DNAJC16: variants seen among roughly 807,000 people sequenced by gnomAD.
DNAJC16 encodes dnaJ homolog subfamily C member 16.
In DNAJC16, 76 loss-of-function variants were observed where a neutral mutation model predicts 92.7. The ratio of observed to expected loss-of-function variants is 0.82; its 90% CI spans 0.68 to 0.99. The LOEUF (loss-of-function observed/expected upper bound fraction) is 0.99, where lower values mean the gene tolerates loss of function less well. DNAJC16 is among the 50% of genes least tolerant of loss of function. DNAJC16 has a pLI of 0.00. For synonymous variants in DNAJC16, 328 were observed against 358.7 expected, an observed-to-expected ratio of 0.91 and a Z score of 0.97; for missense variants, 869 against 942.4, an observed-to-expected ratio of 0.92 and a Z score of 1.02.
At chr1:15,532,664 T>C (rs899820437) in intron 2 of DNAJC16, among the ~76,000 whole-genome samples, 1 of 152,072 alleles carries the variant, frequency 6.6e-6, no homozygotes, top group African/African-American at 2.4e-5. Context: ...GTCGTCAGCC[T>C]GATGGTTTGG....
At chr1:15,561,403 G>A (rs1160303262) in intron 8 of DNAJC16, among the ~76,000 whole-genome samples, 2 of 152,124 alleles carry the variant, frequency 1.3e-5, no homozygotes, top group Admixed American at 6.6e-5. Flanking sequence ...AGGCCCTGCC[G>A]GCCAGGAACA....
Position 15,551,591 on chromosome 1 carries a change from A to G in DNAJC16, c.1023+3163A>G, listed in dbSNP as rs149146699. On this transcript the variant is annotated intron_variant, in intron 7 of 14. Transcript: ENST00000375847. ...ATTTTCTGATGAGATTGGTTCATCA[A>G]AGTGATGTGGTTTTTTTTTTTTTTG... Among the ~76,000 whole-genome samples the G allele has an allele frequency of 3.7e-3, 543 of 146,248 alleles. 2 individuals are homozygous for G. Among genetic ancestry groups the G allele is most frequent in the African/African-American group, 0.013 (498 of 38,618 alleles).
intron 7 of DNAJC16, among the ~76,000 whole-genome samples, chr1:15,552,763 A>ATTT: frequency 7.1e-6 from 1 of 140,566 alleles, no homozygotes; most frequent in African/African-American, 2.6e-5. Flanking sequence ...TTTTATTATT[A>ATTT]TTATTTATTT....
At chr1:15,563,269 C>A (rs548378695) in intron 9 of DNAJC16, among the ~76,000 whole-genome samples, 4 of 152,204 alleles carry the variant, frequency 2.6e-5, no homozygotes, top group African/African-American at 7.2e-5. Flanking sequence ...TGGCTCACAC[C>A]TATAATCCCA....
chr1:15,545,792 T>C (rs1337763186), intron 5 of DNAJC16, among the ~76,000 whole-genome samples: 2 of 152,164 alleles, frequency 1.3e-5, no homozygotes, highest in South Asian at 2.1e-4. Context: ...ATGATCAAAT[T>C]TGAGTTTTAT....
intron 9 of DNAJC16, among the ~76,000 whole-genome samples, chr1:15,563,250 C>T (rs1180164540): frequency 6.6e-6 from 1 of 151,960 alleles, no homozygotes; most frequent in South Asian, 2.1e-4. Context: ...TTTCTTAGGC[C>T]GAACGCGGTG....
intron 5 of DNAJC16, among the ~76,000 whole-genome samples, chr1:15,545,668 G>C (rs1195459033): frequency 1.3e-5 from 2 of 152,210 alleles, no homozygotes; most frequent in African/African-American, 2.4e-5. Context: ...GAGGGGGATG[G>C]AGAGGTTATT....
Position 15,556,803 on chromosome 1 carries a change from A to G in DNAJC16, c.1024-2723A>G, listed in dbSNP as rs114934677. Reference sequence around the variant, plus strand: ...AGGGAAGGCTTTCAGCATTTCCCCAATAAGTGTGTTTGCAGAAGGCTTTTA... The same window carrying G: ...AGGGAAGGCTTTCAGCATTTCCCCAGTAAGTGTGTTTGCAGAAGGCTTTTA... On this transcript the variant is annotated intron_variant, in intron 7 of 14. Transcript: ENST00000375847. 4.6e-3 allele frequency among the ~76,000 whole-genome samples: 705 copies of G among 152,318 alleles called. 3 individuals carry two copies. The highest frequency in any genetic ancestry group is 0.017 in the Middle Eastern group (5 of 294).
chr1:15,530,256 A>G (rs985988097), intron 2 of DNAJC16, among the ~76,000 whole-genome samples: 9 of 144,470 alleles, frequency 6.2e-5, no homozygotes, highest in African/African-American at 1.8e-4. Context: ...ATCACTATGG[A>G]AAAAAAAAAA....
intron 3 of DNAJC16, among the ~76,000 whole-genome samples, chr1:15,535,824 C>T (rs563949794): frequency 3.3e-5 from 5 of 151,824 alleles, no homozygotes; most frequent in South Asian, 2.1e-4. Flanking sequence ...TACAGTGATG[C>T]GATCACAGCT....
Position 15,571,414 on chromosome 1 carries a change from T to G in DNAJC16, c.*3237T>G, listed in dbSNP as rs1428904107. On this transcript the variant is annotated 3_prime_UTR_variant, in exon 15 of 15. Coordinates refer to ENST00000375847, the MANE Select transcript of DNAJC16 (RefSeq NM_015291.4). The stretch of plus-strand genomic sequence containing the variant: ...CTTTAAAAGCTGATGCCAAACATCT[T>G]TACAGAGGAACTGTAGTTCACATCC... The G allele has an allele frequency of 6.6e-6, 1 of 152,654 alleles. No individual in the cohort carries two copies. The highest frequency in any genetic ancestry group is 1.5e-5 in the Non-Finnish European group (1 of 68,042). The allele number at this position is 152,654 out of a possible 1,614,324, so 9.5% of individuals were successfully genotyped here.
chr1:15,544,731 A>G (rs1478599667), intron 5 of DNAJC16, 148 bp downstream of exon 5: 25 of 754,952 alleles, frequency 3.3e-5, no homozygotes, highest in East Asian at 2.7e-5. Context: ...TAATTACTCA[A>G]ACTAAATCGT....
At chr1:15,538,902 T>G (rs79370530) in intron 4 of DNAJC16, among the ~76,000 whole-genome samples, 1,749 of 152,308 alleles carry the variant, frequency 0.011, 40 homozygotes, top group African/African-American at 0.039. Flanking sequence ...TGTACCAGCA[T>G]GTTTGTATTT....
At position 15,544,398 on chromosome 1, in the gene DNAJC16, G is replaced by C; in HGVS notation, c.575-1G>C. On this transcript the variant is annotated splice_acceptor_variant, in intron 4 of 14. Transcript: ENST00000375847. LOFTEE classifies it high-confidence loss of function. ...TCATTTGGATCTTCCATTCTTTTCA[G>C]GTGTAGGAATTGGCGTGGTCCATGC... 1.2e-6 allele frequency: 2 copies of C among 1,607,986 alleles called. No individual in the cohort carries two copies. The highest frequency in any genetic ancestry group is 1.7e-6 in the Non-Finnish European group (2 of 1,176,020).
chr1:15,564,621 C>G (rs1638768325), intron 11 of DNAJC16, among the ~76,000 whole-genome samples: 1 of 151,662 alleles, frequency 6.6e-6, no homozygotes, highest in Non-Finnish European at 1.5e-5. Context: ...CTCCGCCTCC[C>G]AGGTTCAAGC....
chr1:15,549,606 A>C (rs1367970458), intron 7 of DNAJC16, among the ~76,000 whole-genome samples: 1 of 151,930 alleles, frequency 6.6e-6, no homozygotes, highest in Non-Finnish European at 1.5e-5. Context: ...CGAGGTCAGG[A>C]GATTGAGACC....
intron 7 of DNAJC16, among the ~76,000 whole-genome samples, chr1:15,557,196 TTATG>T (rs1638588152): frequency 6.6e-6 from 1 of 152,152 alleles, no homozygotes; most frequent in African/African-American, 2.4e-5. Flanking sequence ...CAGGAAGACT[TTATG>T]TGAGATTGTC....
Position 15,567,133 on chromosome 1 carries a change from G to A in DNAJC16, c.1813G>A (p.Glu605Lys), listed in dbSNP as rs1638830636. 6.2e-7 allele frequency: 1 copy of A among 1,612,404 alleles called. No individual in the cohort carries two copies. The change falls in exon 14 of 15, where the codon GAA (glutamate) becomes AAA (lysine). Residue 605 changes from glutamate (E) to lysine (K), a missense_variant. Glu to Lys is a moderately conservative substitution (Grantham distance 56). Coordinates refer to ENST00000375847, the MANE Select transcript of DNAJC16 (RefSeq NM_015291.4). ...IPKKGFVEVT[E>K]LTDVTYTSNL... ...TAAAAAAGGCTTTGTGGAGGTAACT[G>A]AACTCACAGATGTAACATACACCAG...
At position 15,562,295 on chromosome 1, in the gene DNAJC16, AGACAGT is replaced by A. The variant is rs1019591175; in HGVS notation, c.1311_1316del (p.Asp437_Ser438del). On this transcript the variant is annotated inframe_deletion, in exon 9 of 15. Coordinates refer to ENST00000375847, the MANE Select transcript of DNAJC16 (RefSeq NM_015291.4). Reference sequence around the variant, plus strand: ...AGGAGTTTGCCGACACCTTACTACCAGACAGTGAGGCGTTTCAAGGGAAATCAGCGG... The same window carrying A: ...AGGAGTTTGCCGACACCTTACTACCAGAGGCGTTTCAAGGGAAATCAGCGG... The A allele has an allele frequency of 3.7e-6, 6 of 1,613,664 alleles. No homozygotes were observed. The highest frequency in any genetic ancestry group is 5.1e-6 in the Non-Finnish European group (6 of 1,179,720).
Sources: gnomAD v4.1 joint callset for allele counts (sites outside exome capture counted in the v4.1 genomes callset) on GRCh38, gnomAD v4.1.1 for gene constraint, MANE v1.5 for transcripts, NCBI Gene and HGNC (gene_info 2026-07-23, HGNC 2026-07-21) for gene names.